LETM2: variants seen among roughly 807,000 people sequenced by gnomAD.
LETM2 encodes the protein LETM1 domain-containing protein LETM2, mitochondrial.
A neutral mutation model predicts 59.6 loss-of-function variants in LETM2; 58 were observed. The observed-to-expected ratio is 0.97, with a 90% CI of 0.79 to 1.21. The LOEUF is 1.21. Ranked by LOEUF, LETM2 falls within the 50% of genes most tolerant of loss-of-function variation. The pLI is 0.00. For synonymous variants in LETM2, 199 were observed against 214.1 expected (o/e 0.93, Z 0.62); for missense variants, 572 against 575.7 (o/e 0.99, Z 0.07).
At chr8:38,388,564 C>T (rs1811960049) in intron 2 of LETM2, among the ~76,000 whole-genome samples, 2 of 149,906 alleles carry the variant, frequency 1.3e-5, no homozygotes, top group South Asian at 4.3e-4. Context: ...TCTACTAAAA[C>T]TGCAAAAATT....
chr8:38,398,848 T>C (rs1370328886), intron 4 of LETM2, among the ~76,000 whole-genome samples: 1 of 151,640 alleles, frequency 6.6e-6, no homozygotes, highest in Non-Finnish European at 1.5e-5. Context: ...GCCTGCTGAG[T>C]AGCTGGAATT....
intron 8 of LETM2, 83 bp from the exon 9 acceptor site, chr8:38,406,863 A>G (rs1333512591): frequency 1.2e-6 from 1 of 831,910 alleles, no homozygotes; most frequent in Non-Finnish European, 2.0e-6. Flanking sequence ...AATAGTGCTA[A>G]AAAAGGCATT....
intron 2 of LETM2, among the ~76,000 whole-genome samples, chr8:38,392,023 T>C (rs533429115): frequency 3.4e-4 from 52 of 152,282 alleles, no homozygotes; most frequent in African/African-American, 1.2e-3. Context: ...GTGAAGGGTA[T>C]TTCAGCTGTA....
At chr8:38,390,678 GTTTTTTGTTTTTTGT>G (rs1812167810) in intron 2 of LETM2, among the ~76,000 whole-genome samples, 1 of 91,122 alleles carries the variant, frequency 1.1e-5, no homozygotes, top group Admixed American at 1.2e-4. Flanking sequence ...TTGTTTTTTT[GTTTTTTGTTTTTTGT>G]TTTTTTGTGA....
chr8:38,406,677 A>C, intron 8 of LETM2: 1 of 341,480 alleles, frequency 2.9e-6, no homozygotes, highest in Non-Finnish European at 5.3e-6. Flanking sequence ...CAGTGCCATC[A>C]GTGGATTGCT....
At chr8:38,397,161 GA>G (rs1305330872) in intron 4 of LETM2, 2 of 454,838 alleles carry the variant, frequency 4.4e-6, no homozygotes, top group Admixed American at 2.4e-5. Flanking sequence ...AACATTATGA[GA>G]AGACAAAAAG....
At chr8:38,394,990 T>A (rs1196622292) in intron 4 of LETM2, among the ~76,000 whole-genome samples, 1 of 152,202 alleles carries the variant, frequency 6.6e-6, no homozygotes, top group Non-Finnish European at 1.5e-5. Context: ...GATCATACAG[T>A]GTGTAGCCAT....
chr8:38,396,502 A>AT (rs1316694844), intron 4 of LETM2, among the ~76,000 whole-genome samples: 1 of 151,990 alleles, frequency 6.6e-6, no homozygotes, highest in Non-Finnish European at 1.5e-5. Context: ...CAGTATATAG[A>AT]TTCATTTCTC....
intron 4 of LETM2, chr8:38,397,244 T>A (rs1212041211): frequency 2.3e-6 from 1 of 433,848 alleles, no homozygotes; most frequent in Admixed American, 2.6e-5. Context: ...TGGCACAATC[T>A]TGGCTCACTG....
At chr8:38,403,881 CAG>C (rs1813461466) in intron 7 of LETM2, among the ~76,000 whole-genome samples, 1 of 152,138 alleles carries the variant, frequency 6.6e-6, no homozygotes, top group African/African-American at 2.4e-5. Context: ...CTTAAGAAGA[CAG>C]AGTCTCACTC....
At position 38,394,207 on chromosome 8, in the gene LETM2, T is replaced by C. The variant is rs1266334566; in HGVS notation, c.611T>C (p.Met204Thr). ...LPVFLKLFPEMLPSTFESESK... is the reference protein window; with the variant it reads ...LPVFLKLFPETLPSTFESESK... ...GTGTTTCTGAAACTCTTCCCAGAGA[T>C]GTTGCCATCAACTTTTGAAAGTGAA... is the stretch of plus-strand genomic sequence containing the variant. Residue 204 changes from methionine (M) to threonine (T), a missense_variant, in exon 4 of 11, where the codon ATG (methionine) becomes ACG (threonine). By Grantham distance (81) the Met-to-Thr change is moderately conservative (BLOSUM62 -1). Transcript: ENST00000379957. The C allele has an allele frequency of 2.7e-6, 4 of 1,503,172 alleles. No individual in the cohort carries two copies. Among genetic ancestry groups the C allele is most frequent in the East Asian group, 4.9e-5 (2 of 40,448 alleles). The allele number at this position is 1,503,172 out of a possible 1,614,324, so 93.1% of individuals were successfully genotyped here. A position where few individuals can be genotyped will look rare whatever the true frequency, so the allele number is the denominator to read the frequency against.
intron 7 of LETM2, 183 bp from the exon 8 acceptor site, chr8:38,404,209 GC>G: frequency 1.8e-6 from 1 of 552,208 alleles, no homozygotes; most frequent in East Asian, 3.0e-5. Flanking sequence ...GCTGTAGGGT[GC>G]CCCCTCAGTG....
chr8:38,402,737 C>T (rs1813344977), intron 7 of LETM2, 93 bp downstream of exon 7: 2 of 1,340,498 alleles, frequency 1.5e-6, no homozygotes, highest in African/African-American at 2.9e-5. Flanking sequence ...TGCAAGTGAA[C>T]CGTCTTACTT....
chr8:38,399,895 G>A (rs1007316901), intron 4 of LETM2, among the ~76,000 whole-genome samples: 3 of 151,956 alleles, frequency 2.0e-5, no homozygotes. Context: ...GCGGTGAGCC[G>A]AGATCGTGCC....
chr8:38,392,652 G>A lies in LETM2; in HGVS notation c.158G>A (p.Ser53Asn), dbSNP rs775966942. 1.2e-5 allele frequency: 19 copies of A among 1,613,890 alleles called. No individual in the cohort carries two copies. The highest frequency in any genetic ancestry group is 1.5e-5 in the Non-Finnish European group (18 of 1,179,942). The change falls in exon 3 of 11, where the codon AGC becomes AAC. Residue 53 changes from serine to asparagine, a missense_variant. Ser to Asn is a conservative substitution (Grantham distance 46). Transcript: ENST00000379957. ...LNKTCMKNYESKKYSDPSQPG... is the reference protein window; with the variant it reads ...LNKTCMKNYENKKYSDPSQPG... ...AAGACATGTATGAAGAACTATGAGA[G>A]CAAGAAGTACTCGGATCCTAGTCAG...
intron 9 of LETM2, 45 bp from the exon 10 acceptor site, chr8:38,407,317 T>C (rs1204328186): frequency 2.2e-6 from 3 of 1,366,406 alleles, no homozygotes; most frequent in Admixed American, 1.7e-5. Context: ...TTAATACACA[T>C]TTTCTTTTAA....
Position 38,402,551 on chromosome 8 carries a change from A to G in LETM2, c.1011A>G (p.Ala337=). The G allele has an allele frequency of 6.2e-7, 1 of 1,613,948 alleles. No individual in the cohort carries two copies. Among genetic ancestry groups the G allele is most frequent in the Non-Finnish European group, 8.5e-7 (1 of 1,179,806 alleles). The change falls in exon 7 of 11, where the codon GCA becomes GCG. Residue 337 remains alanine, a synonymous_variant. Transcript: ENST00000379957. ...DEIIAKEGVT[A]LSVSELQAAC... Reference sequence around the variant, plus strand: ...TAATTGCCAAGGAAGGGGTGACAGCATTGAGTGTATCAGAACTACAGGCTG... The same window carrying G: ...TAATTGCCAAGGAAGGGGTGACAGCGTTGAGTGTATCAGAACTACAGGCTG...
At chr8:38,397,057 C>T (rs2150428378) in intron 4 of LETM2, 1 of 454,216 alleles carries the variant, frequency 2.2e-6, no homozygotes. Context: ...AGTCACTGTG[C>T]CGGTGAGAAA....
chr8:38,402,195 C>CT (rs1813286234), intron 6 of LETM2, among the ~76,000 whole-genome samples: 2 of 152,106 alleles, frequency 1.3e-5, no homozygotes, highest in South Asian at 2.1e-4. Flanking sequence ...AAGTGAACTA[C>CT]TTTTTTCTAA....
Sources: gnomAD v4.1 joint callset for allele counts (sites outside exome capture counted in the v4.1 genomes callset) on GRCh38, gnomAD v4.1.1 for gene constraint, MANE v1.5 for transcripts, NCBI Gene and HGNC (gene_info 2026-07-23, HGNC 2026-07-21) for gene names.